SH3BGRL: variants seen among roughly 807,000 people sequenced by gnomAD.
The protein encoded by SH3BGRL is SH3 domain binding glutamate rich protein like.
Under a neutral mutation model 9.8 loss-of-function variants are expected in SH3BGRL, and 7 were observed. The ratio of observed to expected loss-of-function variants is 0.72; its 90% CI spans 0.41 to 1.35. The LOEUF is 1.35. Ranked by LOEUF, SH3BGRL falls within the 40% of genes most tolerant of loss-of-function variation. The pLI is 0.01. For synonymous variants in SH3BGRL, 36 were observed against 29.1 expected, an observed-to-expected ratio of 1.24 and a Z score of -0.76; for missense variants, 73 against 84.4, an observed-to-expected ratio of 0.86 and a Z score of 0.53.
rs144816977 is a variant in SH3BGRL at position 81,286,143 on chromosome X, C to G, written c.312+7732C>G. Among the ~76,000 whole-genome samples the G allele has an allele frequency of 1.7e-4, 19 of 110,651 alleles. No homozygotes were observed. In the East Asian group the frequency reaches 4.6e-3, roughly 27 times the overall value. On this transcript the variant is annotated intron_variant, in intron 3 of 3. Transcript: ENST00000373212. Reference sequence around the variant, plus strand: ...TCAATTTTGTCAATATGAAATATTTCTTAGTACTGGCATTTCTTACTTTAA... The same window carrying G: ...TCAATTTTGTCAATATGAAATATTTGTTAGTACTGGCATTTCTTACTTTAA...
intron 1 of SH3BGRL, among the ~76,000 whole-genome samples, chrX:81,237,636 T>G: frequency 9.0e-6 from 1 of 110,861 alleles, no homozygotes; most frequent in East Asian, 2.9e-4. Context: ...CCTGGGTCTT[T>G]AAGTAAACTT....
intron 1 of SH3BGRL, among the ~76,000 whole-genome samples, chrX:81,211,636 T>C (rs1204740156): frequency 3.6e-5 from 4 of 110,588 alleles, no homozygotes; most frequent in African/African-American, 1.3e-4. Context: ...ACCCTAAATC[T>C]GCTGGGCACA....
intron 1 of SH3BGRL, among the ~76,000 whole-genome samples, chrX:81,265,113 A>G (rs1318935644): frequency 9.3e-6 from 1 of 108,102 alleles, no homozygotes; most frequent in Non-Finnish European, 1.9e-5. Flanking sequence ...TATTTTTGAA[A>G]TTATGTAAGC....
intron 1 of SH3BGRL, among the ~76,000 whole-genome samples, chrX:81,272,546 G>A (rs2147708807): frequency 9.7e-6 from 1 of 102,981 alleles, no homozygotes; most frequent in Non-Finnish European, 2.0e-5. Context: ...TGCCGCCCAG[G>A]CTGGAGTGCA....
At chrX:81,278,764 G>C (rs1433645335) in intron 3 of SH3BGRL, among the ~76,000 whole-genome samples, 1 of 111,796 alleles carries the variant, frequency 8.9e-6, no homozygotes, top group African/African-American at 3.3e-5. Context: ...TTAGTTCATG[G>C]TAATCTCCTT....
At chrX:81,294,578 T>C (rs1249814434) in intron 3 of SH3BGRL, among the ~76,000 whole-genome samples, 1 of 110,342 alleles carries the variant, frequency 9.1e-6, no homozygotes, top group African/African-American at 3.3e-5. Flanking sequence ...GAGGTGGGGC[T>C]CTCATGGAGA....
chrX:81,227,677 G>A (rs2075621447), intron 1 of SH3BGRL, among the ~76,000 whole-genome samples: 1 of 111,766 alleles, frequency 8.9e-6, no homozygotes, highest in African/African-American at 3.2e-5. Context: ...TGCTTTTTAA[G>A]TTTTAAATAA....
chrX:81,265,340 C>G (rs887428388), intron 1 of SH3BGRL, among the ~76,000 whole-genome samples: 2 of 108,431 alleles, frequency 1.8e-5, no homozygotes, highest in Admixed American at 2.0e-4. Context: ...AGGTATTTCT[C>G]CCAATGTTAT....
At chrX:81,276,170 G>A (rs1428420748) in intron 1 of SH3BGRL, among the ~76,000 whole-genome samples, 1 of 109,897 alleles carries the variant, frequency 9.1e-6, no homozygotes, top group African/African-American at 3.3e-5. Flanking sequence ...AATGCATGTC[G>A]GAAGAGAAAC....
chrX:81,221,971 G>C (rs1229735352), intron 1 of SH3BGRL, among the ~76,000 whole-genome samples: 6 of 111,356 alleles, frequency 5.4e-5, no homozygotes, highest in Non-Finnish European at 1.1e-4. Context: ...AAATCATCTA[G>C]TCCATCCATG....
At chrX:81,223,947 A>G (rs945742595) in intron 1 of SH3BGRL, among the ~76,000 whole-genome samples, 16 of 111,608 alleles carry the variant, frequency 1.4e-4, no homozygotes, top group Admixed American at 8.5e-4. Flanking sequence ...TGGCCTCCCA[A>G]TGTGTTGGGA....
chrX:81,274,963 C>A (rs2075793715), intron 1 of SH3BGRL, among the ~76,000 whole-genome samples: 3 of 110,950 alleles, frequency 2.7e-5, no homozygotes, highest in African/African-American at 9.9e-5. Flanking sequence ...TGTCATCAGG[C>A]AATCTCAGGG....
intron 1 of SH3BGRL, among the ~76,000 whole-genome samples, chrX:81,226,304 A>G (rs1027895757): frequency 2.7e-5 from 3 of 109,877 alleles, no homozygotes; most frequent in African/African-American, 9.9e-5. Flanking sequence ...GTTTTCTGAA[A>G]ACAGCTTTTG....
At chrX:81,225,462 T>C (rs1203787740) in intron 1 of SH3BGRL, among the ~76,000 whole-genome samples, 1 of 111,059 alleles carries the variant, frequency 9.0e-6, no homozygotes, top group Admixed American at 9.6e-5. Flanking sequence ...TCTGCATGAC[T>C]ATGTGTATTC....
intron 1 of SH3BGRL, among the ~76,000 whole-genome samples, chrX:81,249,097 C>T (rs771804739): frequency 5.4e-5 from 6 of 111,260 alleles, no homozygotes; most frequent in Non-Finnish European, 9.4e-5. Flanking sequence ...TGCTCAAATA[C>T]GCTGTCTTGG....
chrX:81,231,827 T>C (rs1234616678), intron 1 of SH3BGRL, among the ~76,000 whole-genome samples: 1 of 112,340 alleles, frequency 8.9e-6, no homozygotes, highest in Non-Finnish European at 1.9e-5. Context: ...TGTAGCAATA[T>C]TTTCTGGGTG....
At chrX:81,229,119 A>C (rs2075625256) in intron 1 of SH3BGRL, among the ~76,000 whole-genome samples, 1 of 110,914 alleles carries the variant, frequency 9.0e-6, no homozygotes, top group African/African-American at 3.3e-5. Context: ...AACAACATGG[A>C]GTTATTAGTA....
At chrX:81,265,009 ATTT>A (rs772578478) in intron 1 of SH3BGRL, among the ~76,000 whole-genome samples, 5 of 91,934 alleles carry the variant, frequency 5.4e-5, no homozygotes, top group African/African-American at 3.9e-5. Flanking sequence ...GAATGACTGT[ATTT>A]TTTTTTTTTT....
chrX:81,214,692 T>G (rs775283321), intron 1 of SH3BGRL, among the ~76,000 whole-genome samples: 5 of 112,068 alleles, frequency 4.5e-5, no homozygotes, highest in Non-Finnish European at 7.5e-5. Flanking sequence ...CAATGAATAA[T>G]TTTATCAGAC....
Sources: gnomAD v4.1 joint callset for allele counts (sites outside exome capture counted in the v4.1 genomes callset) on GRCh38, gnomAD v4.1.1 for gene constraint, MANE v1.5 for transcripts, NCBI Gene and HGNC (gene_info 2026-07-23, HGNC 2026-07-21) for gene names.